The following RPH3A variants were observed in gnomAD, a reference collection of about 807,000 sequenced individuals.
The protein encoded by RPH3A is rabphilin-3A.
In RPH3A, 48 loss-of-function variants were observed where a neutral mutation model predicts 102.2. The observed-to-expected ratio is 0.47, with a 90% CI of 0.37 to 0.60. RPH3A has a LOEUF of 0.60. RPH3A is among the 20% of genes least tolerant of loss of function. RPH3A has a pLI of 0.00. For synonymous variants in RPH3A, 310 were observed against 324.3 expected, an observed-to-expected ratio of 0.96 and a Z score of 0.47; for missense variants, 781 against 910.1, an observed-to-expected ratio of 0.86 and a Z score of 1.83.
chr12:112,862,237 C>A (rs80336433), intron 5 of RPH3A, among the ~76,000 whole-genome samples: 26 of 148,756 alleles, frequency 1.7e-4, no homozygotes, highest in Admixed American at 9.4e-4. Flanking sequence ...GAGACTCAGT[C>A]CCCCCCCCAA....
chr12:112,793,314 T>A, intron 2 of RPH3A, among the ~76,000 whole-genome samples: 1 of 152,232 alleles, frequency 6.6e-6, no homozygotes, highest in East Asian at 1.9e-4. Context: ...AATGCCCTTG[T>A]TTTTAGCATT....
intron 2 of RPH3A, among the ~76,000 whole-genome samples, chr12:112,817,014 T>C (rs2041684187): frequency 6.6e-6 from 1 of 152,054 alleles, no homozygotes; most frequent in African/African-American, 2.4e-5. Flanking sequence ...GAAACTGAGG[T>C]GTTGGAAGGT....
chr12:112,634,947 T>C (rs564638780), intron 1 of RPH3A, among the ~76,000 whole-genome samples: 1 of 152,354 alleles, frequency 6.6e-6, no homozygotes, highest in Admixed American at 6.5e-5. Context: ...TTTTTACATT[T>C]TTTTCCTCTT....
At chr12:112,702,303 G>T (rs2040399778) in intron 1 of RPH3A, among the ~76,000 whole-genome samples, 1 of 152,202 alleles carries the variant, frequency 6.6e-6, no homozygotes, top group African/African-American at 2.4e-5. Context: ...CAAGGCTGAA[G>T]AAAATAGCCA....
Position 112,740,528 on chromosome 12 carries a change from G to A in RPH3A, c.-139-51615G>A, listed in dbSNP as rs561942714. On this transcript the variant is annotated intron_variant, in intron 1 of 21. Coordinates refer to the RPH3A transcript ENST00000543106. The stretch of plus-strand genomic sequence containing the variant: ...GTGGGCAAGCCAGCACCTTTTCTCA[G>A]CACCATGCATAGCCAAGTGGATGCA... Among the ~76,000 whole-genome samples, 5 of 152,216 alleles carry A rather than the reference G, an allele frequency of 3.3e-5. No individual in the cohort carries two copies. In the South Asian group the frequency reaches 8.3e-4, roughly 25 times the overall value.
At chr12:112,730,843 G>A (rs574650748) in intron 1 of RPH3A, among the ~76,000 whole-genome samples, 5 of 152,282 alleles carry the variant, frequency 3.3e-5, no homozygotes, top group African/African-American at 9.6e-5. Flanking sequence ...ATGCCACAGA[G>A]CAAAGAACAT....
chr12:112,672,304 C>T (rs2040138659), intron 1 of RPH3A, among the ~76,000 whole-genome samples: 1 of 152,154 alleles, frequency 6.6e-6, no homozygotes, highest in African/African-American at 2.4e-5. Context: ...GGGGCTCACC[C>T]ACATTACAGA....
At position 112,884,761 on chromosome 12, in the gene RPH3A, A is replaced by G. The variant is rs554222146; in HGVS notation, c.1436+1359A>G. ...TTTTATTGCGGCATAACATTCATTT[A>G]GCAAAATGCACATATAAATGCACAG... On this transcript the variant is annotated intron_variant, in intron 16 of 21. Transcript: ENST00000389385. 5.8e-4 allele frequency among the ~76,000 whole-genome samples: 88 copies of G among 152,364 alleles called. 1 individual carries two copies. The highest frequency in any genetic ancestry group is 5.4e-3 in the South Asian group (26 of 4,832).
chr12:112,799,907 G>A (rs556350324), intron 2 of RPH3A, among the ~76,000 whole-genome samples: 29 of 152,218 alleles, frequency 1.9e-4, no homozygotes, highest in African/African-American at 6.7e-4. Flanking sequence ...GAGTTCCCAG[G>A]CAGTGTTGAT....
intron 1 of RPH3A, among the ~76,000 whole-genome samples, chr12:112,715,895 G>A (rs374445281): frequency 5.4e-4 from 83 of 152,318 alleles, no homozygotes; most frequent in African/African-American, 1.9e-3. Context: ...TTAATTATAT[G>A]CTAAACAAGG....
At chr12:112,612,329 G>A (rs1443273678) in intron 1 of RPH3A, among the ~76,000 whole-genome samples, 1 of 152,132 alleles carries the variant, frequency 6.6e-6, no homozygotes, top group Non-Finnish European at 1.5e-5. Flanking sequence ...GAGGTTAAGT[G>A]TAGTTACTCT....
At chr12:112,775,190 C>T (rs2040957437) in intron 1 of RPH3A, among the ~76,000 whole-genome samples, 1 of 152,022 alleles carries the variant, frequency 6.6e-6, no homozygotes, top group Non-Finnish European at 1.5e-5. Context: ...GCTGTACATC[C>T]TGCACATGTA....
chr12:112,738,278 A>T (rs1175540698), intron 1 of RPH3A, among the ~76,000 whole-genome samples: 2 of 151,836 alleles, frequency 1.3e-5, no homozygotes, highest in Non-Finnish European at 2.9e-5. Context: ...CTGCAGCCTC[A>T]ACCTCCTAGG....
At chr12:112,674,777 G>T (rs1011144612) in intron 1 of RPH3A, among the ~76,000 whole-genome samples, 1 of 152,180 alleles carries the variant, frequency 6.6e-6, no homozygotes, top group Non-Finnish European at 1.5e-5. Flanking sequence ...AGAAGCCCGT[G>T]CAACAGAGGC....
At chr12:112,847,601 C>T (rs2042251798) in intron 4 of RPH3A, 95 bp from the exon 5 acceptor site, 8 of 1,361,324 alleles carry the variant, frequency 5.9e-6, no homozygotes, top group Non-Finnish European at 8.2e-6. Context: ...AGAGATGATC[C>T]TTTTGTCCAC....
At chr12:112,835,834 T>G (rs940708532) in intron 3 of RPH3A, among the ~76,000 whole-genome samples, 13 of 150,150 alleles carry the variant, frequency 8.7e-5, no homozygotes, top group Admixed American at 6.1e-4. Flanking sequence ...GAGAAATGAA[T>G]GCGTTTTCTT....
intron 2 of RPH3A, among the ~76,000 whole-genome samples, chr12:112,815,393 C>A (rs1185279801): frequency 6.6e-6 from 1 of 152,132 alleles, no homozygotes; most frequent in Non-Finnish European, 1.5e-5. Flanking sequence ...TTATATGAGA[C>A]CCATATTTGA....
intron 2 of RPH3A, among the ~76,000 whole-genome samples, 165 bp downstream of exon 2, chr12:112,792,428 C>T (rs989235319): frequency 1.3e-5 from 2 of 152,224 alleles, no homozygotes; most frequent in Admixed American, 6.5e-5. Context: ...ATCACCTAAG[C>T]GGCATCCCAA....
intron 1 of RPH3A, among the ~76,000 whole-genome samples, chr12:112,737,243 A>G (rs2040676239): frequency 6.6e-6 from 1 of 152,034 alleles, no homozygotes; most frequent in Non-Finnish European, 1.5e-5. Flanking sequence ...CTAAGGGATG[A>G]ATATACAGAC....
Sources: gnomAD v4.1 joint callset for allele counts (sites outside exome capture counted in the v4.1 genomes callset) on GRCh38, gnomAD v4.1.1 for gene constraint, MANE v1.5 for transcripts, NCBI Gene and HGNC (gene_info 2026-07-23, HGNC 2026-07-21) for gene names.